Variants in VAV2 observed in about 807,000 individuals in gnomAD.
The protein encoded by VAV2 is guanine nucleotide exchange factor VAV2.
A neutral mutation model predicts 132.5 loss-of-function variants in VAV2; 67 were observed. That is an observed-to-expected ratio of 0.51 (90% CI 0.42 to 0.62). The LOEUF is 0.62. VAV2 is among the 20% of genes least tolerant of loss of function. VAV2 has a pLI of 0.00. For synonymous variants in VAV2, 492 were observed against 443.5 expected (o/e 1.11, Z -1.37); for missense variants, 938 against 1,153.6 (o/e 0.81, Z 2.71).
rs1393593764 is a variant in VAV2, at chr9:133,912,138, C to T, written c.321+26965G>A. The stretch of plus-strand genomic sequence containing the variant: ...GATGGGGTGTCAGCTGAGCTCAGGA[C>T]AGCCACCAGCTCCCGCTGGTGAACT... On this transcript the variant is annotated intron_variant, in intron 2 of 29. Coordinates refer to ENST00000371850, the MANE Select transcript of VAV2 (RefSeq NM_001134398.2). The surrounding 1 kb of genome is among the most constrained non-coding windows in gnomAD (Gnocchi z 4.3). Among the ~76,000 whole-genome samples, 1 of 152,232 alleles carries T rather than the reference C, an allele frequency of 6.6e-6. No homozygotes were observed. Among genetic ancestry groups the T allele is most frequent in the Non-Finnish European group, 1.5e-5 (1 of 68,046 alleles).
chr9:133,929,951 A>C (rs1840619247), intron 2 of VAV2, among the ~76,000 whole-genome samples: 1 of 152,228 alleles, frequency 6.6e-6, no homozygotes, highest in South Asian at 2.1e-4. Flanking sequence ...GCAAAATGCC[A>C]CATAAAAAAC....
chr9:133,945,405 C>T (rs1010479168), intron 1 of VAV2, among the ~76,000 whole-genome samples: 2 of 152,196 alleles, frequency 1.3e-5, no homozygotes, highest in Non-Finnish European at 1.5e-5. Flanking sequence ...CCTGATTGAT[C>T]GGCACATAAT....
chr9:133,904,380 A>G (rs73662326), intron 2 of VAV2, among the ~76,000 whole-genome samples: 3,131 of 152,360 alleles, frequency 0.021, 104 homozygotes, highest in African/African-American at 0.07. Flanking sequence ...AATAAAAGCG[A>G]CCATCAACGC....
intron 1 of VAV2, among the ~76,000 whole-genome samples, chr9:133,950,452 C>G (rs1841520579): frequency 6.6e-6 from 1 of 152,150 alleles, no homozygotes; most frequent in African/African-American, 2.4e-5. Context: ...TCCACGCCTG[C>G]TCCCCTGAAG....
intron 12 of VAV2, among the ~76,000 whole-genome samples, chr9:133,793,898 C>A (rs1204451732): frequency 1.3e-5 from 2 of 152,126 alleles, no homozygotes; most frequent in East Asian, 3.9e-4. Context: ...TGAATGACTT[C>A]CTATATAAAT....
intron 2 of VAV2, among the ~76,000 whole-genome samples, chr9:133,888,446 C>G (rs987251343): frequency 2.6e-4 from 39 of 152,234 alleles, no homozygotes; most frequent in African/African-American, 9.4e-4. Context: ...TTCCAGGCCT[C>G]CAGCTCTTTT....
chr9:133,874,932 T>G (rs1224455982), intron 2 of VAV2, among the ~76,000 whole-genome samples: 9 of 152,190 alleles, frequency 5.9e-5, no homozygotes, highest in Admixed American at 4.6e-4. Flanking sequence ...GAAACATGCG[T>G]CCAGAACCCT....
chr9:133,778,020 G>C (rs377513821), intron 22 of VAV2, among the ~76,000 whole-genome samples: 152 of 152,298 alleles, frequency 1.0e-3, no homozygotes, highest in African/African-American at 3.3e-3. Flanking sequence ...TGAGCACTGG[G>C]GCTTGGTAGA....
intron 3 of VAV2, among the ~76,000 whole-genome samples, chr9:133,851,554 G>A (rs1837167227): frequency 6.6e-6 from 1 of 152,226 alleles, no homozygotes. Context: ...GGGAGCAGAT[G>A]GGTCCTAACC....
At chr9:133,953,473 G>A (rs530359714) in intron 1 of VAV2, among the ~76,000 whole-genome samples, 28 of 152,032 alleles carry the variant, frequency 1.8e-4, no homozygotes, top group Admixed American at 1.2e-3. Flanking sequence ...ACCCCGGCTC[G>A]GAGCTGGGAG....
chr9:133,809,019 G>C, intron 7 of VAV2, 21 bp downstream of exon 7: 1 of 1,608,738 alleles, frequency 6.2e-7, no homozygotes, highest in Non-Finnish European at 8.5e-7. Context: ...CCATTTTCCA[G>C]TGGCCGCCAT....
chr9:133,776,174 A>C, intron 23 of VAV2, 94 bp from the exon 24 acceptor site: 1 of 1,527,852 alleles, frequency 6.5e-7, no homozygotes, highest in Non-Finnish European at 8.8e-7. Flanking sequence ...CCCTGTCCCC[A>C]CATTGGCTGC....
chr9:133,847,660 C>A (rs1445390559), intron 3 of VAV2, among the ~76,000 whole-genome samples: 2 of 152,186 alleles, frequency 1.3e-5, no homozygotes, highest in Non-Finnish European at 2.9e-5. Flanking sequence ...AAAGTTCCAG[C>A]CCCACGCTGC....
At chr9:133,878,924 T>A (rs1838377278) in intron 2 of VAV2, among the ~76,000 whole-genome samples, 1 of 152,196 alleles carries the variant, frequency 6.6e-6, no homozygotes. Context: ...CAGAAACCTT[T>A]TCCCCAGGGT....
At chr9:133,906,057 AAG>A (rs1032572670) in intron 2 of VAV2, among the ~76,000 whole-genome samples, 1 of 152,096 alleles carries the variant, frequency 6.6e-6, no homozygotes, top group Non-Finnish European at 1.5e-5. Context: ...CAAAAAAAGA[AAG>A]AGGTTCCTAC....
At chr9:133,770,647 C>T (rs1033584611) in intron 26 of VAV2, 146 bp from the exon 27 acceptor site, 86 of 1,252,552 alleles carry the variant, frequency 6.9e-5, no homozygotes, top group Non-Finnish European at 8.8e-5. Context: ...CCCGCCAGCC[C>T]ATGGTGGGTG....
rs1843001011 is a variant in VAV2, at chr9:133,991,114, G to A, written c.204+961C>T. ...TCCACATGGAGTTGCCACTGCGCGC[G>A]GTGAGGGGCTGCTGAGCTGGCTGGA... On this transcript the variant is annotated intron_variant, in intron 1 of 29. Transcript: ENST00000371850. This position sits in a 1 kb window ranked among gnomAD's most constrained non-coding sequence, Gnocchi z 4.8. Among the ~76,000 whole-genome samples, 3 of 152,096 alleles carry A rather than the reference G, an allele frequency of 2.0e-5. No individual in the cohort carries two copies. The highest frequency in any genetic ancestry group is 7.2e-5 in the African/African-American group (3 of 41,414).
intron 13 of VAV2, among the ~76,000 whole-genome samples, chr9:133,791,206 C>A (rs1588178408): frequency 6.6e-6 from 1 of 152,340 alleles, no homozygotes. Context: ...CCCCTCTCCC[C>A]AGGCAGGACG....
At chr9:133,848,304 A>AAC (rs1837028166) in intron 3 of VAV2, among the ~76,000 whole-genome samples, 1 of 147,660 alleles carries the variant, frequency 6.8e-6, no homozygotes. Context: ...AAAAAAAAAA[A>AAC]TCCAAAGCAA....
Sources: gnomAD v4.1 joint callset for allele counts (sites outside exome capture counted in the v4.1 genomes callset) on GRCh38, gnomAD v4.1.1 for gene constraint, Gnocchi (gnomAD v3.1) non-coding constraint, MANE v1.5 for transcripts, NCBI Gene and HGNC (gene_info 2026-07-23, HGNC 2026-07-21) for gene names.